HGF: variants seen among roughly 807,000 people sequenced by gnomAD.
HGF encodes fibroblast-derived tumor cytotoxic factor.
HGF carries 39 observed loss-of-function variants against 111.6 expected under a neutral mutation model. The ratio of observed to expected loss-of-function variants is 0.35; its 90% CI spans 0.27 to 0.46. The LOEUF is 0.46. HGF is among the 20% of genes least tolerant of loss of function. HGF has a pLI of 1.00. For synonymous variants in HGF, 285 were observed against 294.8 expected (o/e 0.97, Z 0.34); for missense variants, 735 against 910.5 (o/e 0.81, Z 2.48).
chr7:81,745,387 A>C lies in HGF; in HGVS notation c.626-267T>G, dbSNP rs569265722. Among the ~76,000 whole-genome samples, 4 of 152,316 alleles carry C rather than the reference A, an allele frequency of 2.6e-5. No homozygotes were observed. The East Asian group carries it at 7.7e-4, about 29-fold the overall frequency. On this transcript the variant is annotated intron_variant, in intron 5 of 17. Coordinates refer to ENST00000222390, the MANE Select transcript of HGF (RefSeq NM_000601.6). ...CACGACGCTGTCTATCTATTTTTTC[A>C]ATAACTGTCTCAAAGGTATCTAGAA... is the stretch of plus-strand genomic sequence containing the variant.
At chr7:81,749,238 T>G (rs56158627) in intron 5 of HGF, among the ~76,000 whole-genome samples, 2,538 of 152,252 alleles carry the variant, frequency 0.017, 64 homozygotes, top group African/African-American at 0.056. Context: ...TGTATTGTAT[T>G]TTTTAAAATA....
intron 7 of HGF, among the ~76,000 whole-genome samples, chr7:81,740,110 G>A (rs1158039576): frequency 1.3e-5 from 2 of 152,126 alleles, no homozygotes; most frequent in Admixed American, 6.5e-5. Flanking sequence ...ACAATGGAAA[G>A]CACCTCTTTG....
At chr7:81,751,113 T>C in intron 5 of HGF, 1 of 931,224 alleles carries the variant, frequency 1.1e-6, no homozygotes, top group Non-Finnish European at 1.3e-6. Context: ...TTTTATGTGA[T>C]AAATATCAAC....
At chr7:81,740,013 C>T (rs561297496) in intron 7 of HGF, among the ~76,000 whole-genome samples, 2 of 152,290 alleles carry the variant, frequency 1.3e-5, no homozygotes, top group South Asian at 4.1e-4. Flanking sequence ...AATTACCATA[C>T]TGCTCCAGCC....
intron 5 of HGF, among the ~76,000 whole-genome samples, chr7:81,748,049 T>A (rs1788346255): frequency 6.6e-6 from 1 of 152,238 alleles, no homozygotes; most frequent in African/African-American, 2.4e-5. Flanking sequence ...GAGACTTACC[T>A]AAAACACAAA....
intron 7 of HGF, among the ~76,000 whole-genome samples, chr7:81,737,175 G>A (rs952624116): frequency 1.3e-5 from 2 of 151,942 alleles, no homozygotes; most frequent in Non-Finnish European, 2.9e-5. Context: ...ATTATACCAG[G>A]CTTTTGGATT....
rs1789449344 is a variant in HGF, at chr7:81,707,148, G to T, written c.1616+142C>A. The T allele has an allele frequency of 4.7e-6, 3 of 641,274 alleles. No individual in the cohort carries two copies. The East Asian group carries it at 8.3e-5, about 18-fold the overall frequency. The allele number at this position is 641,274 out of a possible 1,614,324, so 39.7% of individuals were successfully genotyped here. A position where few individuals can be genotyped will look rare whatever the true frequency, so the allele number is the denominator to read the frequency against. The stretch of plus-strand genomic sequence containing the variant: ...TGTGAAGTCAAAGTAAGTTTTGTAA[G>T]CCAAATTCTAAAAATGAAATAATTT... On this transcript the variant is annotated intron_variant, in intron 14 of 17. Coordinates refer to ENST00000222390, the MANE Select transcript of HGF (RefSeq NM_000601.6).
At chr7:81,749,445 G>T (rs1249373492) in intron 5 of HGF, among the ~76,000 whole-genome samples, 1 of 151,956 alleles carries the variant, frequency 6.6e-6, no homozygotes, top group Non-Finnish European at 1.5e-5. Context: ...ACTCTATAAG[G>T]TTCTTTCTTA....
chr7:81,763,316 C>T (rs143642168), intron 1 of HGF, among the ~76,000 whole-genome samples: 11 of 152,196 alleles, frequency 7.2e-5, no homozygotes, highest in East Asian at 1.9e-4. Flanking sequence ...AGGCGAGAAA[C>T]GTCTCACTAA....
At chr7:81,719,043 T>C (rs1463822924) in intron 10 of HGF, among the ~76,000 whole-genome samples, 1 of 152,228 alleles carries the variant, frequency 6.6e-6, no homozygotes, top group East Asian at 1.9e-4. Context: ...TATATGGTGT[T>C]ACCACTTTGT....
At chr7:81,742,898 C>CT in intron 7 of HGF, 1 of 1,612,526 alleles carries the variant, frequency 6.2e-7, no homozygotes. Flanking sequence ...ACTGCAGCCT[C>CT]TGTCACTCAC....
chr7:81,754,341 T>C (rs2116145516), intron 4 of HGF, among the ~76,000 whole-genome samples: 1 of 152,062 alleles, frequency 6.6e-6, no homozygotes. Flanking sequence ...TATTTATAGT[T>C]TGAGAGAGGA....
intron 13 of HGF, among the ~76,000 whole-genome samples, chr7:81,708,524 C>CCTTTTTTT (rs1789487806): frequency 1.4e-5 from 1 of 72,472 alleles, no homozygotes; most frequent in Non-Finnish European, 2.4e-5. Context: ...TTCCTTCCTT[C>CCTTTTTTT]TTTTTTTTTT....
intron 7 of HGF, chr7:81,743,032 TG>T: frequency 8.4e-7 from 1 of 1,185,918 alleles, no homozygotes; most frequent in Non-Finnish European, 1.3e-6. Flanking sequence ...AATGACTTTG[TG>T]ATGCTGCACA....
At chr7:81,754,751 T>C (rs1043232468) in intron 4 of HGF, among the ~76,000 whole-genome samples, 2 of 152,030 alleles carry the variant, frequency 1.3e-5, no homozygotes. Flanking sequence ...TGTCCCAATG[T>C]ATTTCCCCTG....
At position 81,702,727 on chromosome 7, in the gene HGF, G is replaced by C. The variant is rs779568330; in HGVS notation, c.2041C>G (p.Gln681Glu). Reference protein sequence around the residue: ...GDYGGPLVCEQHKMRMVLGVI... With the variant: ...GDYGGPLVCEEHKMRMVLGVI... The stretch of plus-strand genomic sequence containing the variant: ...CCAAGAACCATTCTCATTTTATGTT[G>C]CTCACAAACAAGTGGGCCACCATAA... The change falls in exon 18 of 18, where the codon CAA (glutamine) becomes GAA (glutamate). Residue 681 changes from glutamine to glutamate, a missense_variant. By Grantham distance (29) the Gln-to-Glu change is conservative. This residue lies in a region of HGF where 52 missense variants were observed against 95.0 expected (regional missense o/e 0.55). Transcript: ENST00000222390. 6.2e-7 allele frequency: 1 copy of C among 1,611,336 alleles called. No homozygotes were observed. The highest frequency in any genetic ancestry group is 8.5e-7 in the Non-Finnish European group (1 of 1,178,260).
At chr7:81,738,779 A>T (rs999518322) in intron 7 of HGF, among the ~76,000 whole-genome samples, 7 of 152,124 alleles carry the variant, frequency 4.6e-5, no homozygotes, top group African/African-American at 1.4e-4. Context: ...TGAATTTTCT[A>T]TCTTGTTATA....
intron 10 of HGF, among the ~76,000 whole-genome samples, chr7:81,717,759 T>C (rs1054537655): frequency 6.6e-6 from 1 of 152,112 alleles, no homozygotes; most frequent in African/African-American, 2.4e-5. Context: ...ATACAAGTAT[T>C]TTTTTACATT....
In HGF at chr7:81,729,725, T is replaced by G. The variant is rs759784966; in HGVS notation, c.920A>C (p.Gln307Pro). ...GCCCCTGTAGCCTTCTCCTTGACCT[T>G]GGATGCATTCAGTTGTTTCCAAAGG... ...DVPLETTECI[Q>P]GQGEGYRGTV... Residue 307 changes from glutamine to proline, a missense_variant, in exon 8 of 18, where the codon CAA becomes CCA. By Grantham distance (76) the Gln-to-Pro change is moderately conservative. Coordinates refer to ENST00000222390, the MANE Select transcript of HGF (RefSeq NM_000601.6). 3.7e-6 allele frequency: 6 copies of G among 1,613,904 alleles called. No individual in the cohort carries two copies. The East Asian group carries it at 1.1e-4, about 30-fold the overall frequency.
Sources: gnomAD v4.1 joint callset for allele counts (sites outside exome capture counted in the v4.1 genomes callset) on GRCh38, gnomAD v4.1.1 for gene constraint, gnomAD v4.1.1 regional missense constraint, MANE v1.5 for transcripts, NCBI Gene and HGNC (gene_info 2026-07-23, HGNC 2026-07-21) for gene names.